The following EXOG variants were observed in gnomAD, a reference collection of about 807,000 sequenced individuals.
The protein encoded by EXOG is exo/endonuclease G.
Under a neutral mutation model 25.8 loss-of-function variants are expected in EXOG, and 27 were observed. The observed-to-expected ratio is 1.05, with a 90% CI of 0.77 to 1.45. The LOEUF is 1.45. EXOG is among the 40% of genes most tolerant of loss of function. The pLI is 0.00. For missense variants in EXOG, 458 were observed against 450.5 expected, an observed-to-expected ratio of 1.02 and a Z score of -0.15; for synonymous variants, 133 against 167.0, an observed-to-expected ratio of 0.80 and a Z score of 1.57.
chr3:38,505,262 AT>A (rs1256249190), intron 4 of EXOG, among the ~76,000 whole-genome samples: 1 of 147,710 alleles, frequency 6.8e-6, no homozygotes, highest in Non-Finnish European at 1.5e-5. Context: ...AAATCTGTAG[AT>A]TTTCCTTTCT....
intron 5 of EXOG, among the ~76,000 whole-genome samples, chr3:38,516,287 T>C (rs958090264): frequency 6.6e-6 from 1 of 152,200 alleles, no homozygotes; most frequent in East Asian, 1.9e-4. Context: ...CTGGAAACCC[T>C]ACTTTAATCT....
chr3:38,506,187 T>A (rs372351484), intron 4 of EXOG, among the ~76,000 whole-genome samples: 14 of 151,750 alleles, frequency 9.2e-5, no homozygotes, highest in African/African-American at 1.9e-4. Flanking sequence ...AAAAAAAAAA[T>A]ACTTGCCATT....
At chr3:38,520,051 TATATC>T (rs2060665831) in intron 5 of EXOG, among the ~76,000 whole-genome samples, 1 of 152,220 alleles carries the variant, frequency 6.6e-6, no homozygotes, top group Non-Finnish European at 1.5e-5. Context: ...TGTAACCAAA[TATATC>T]TATCTAATTC....
chr3:38,497,346 G>A (rs1575602390), intron 1 of EXOG: 1 of 1,145,310 alleles, frequency 8.7e-7, no homozygotes, highest in East Asian at 5.4e-5. Context: ...GAAATTTGAT[G>A]TGAAAGACTA....
Position 38,506,922 on chromosome 3 carries a change from C to T in EXOG, c.599C>T (p.Thr200Ile). ...EDVWVVSGPL[T>I]LPQTRGDGKK... is the part of the protein sequence containing the mutation. ...GTTTGGGTGGTATCTGGGCCTTTGACCTTACCTCAGACTAGAGGCGATGGA... is the reference window on the plus strand; with the variant it reads ...GTTTGGGTGGTATCTGGGCCTTTGATCTTACCTCAGACTAGAGGCGATGGA... The change falls in exon 5 of 6, where the codon ACC becomes ATC. Residue 200 changes from threonine to isoleucine, a missense_variant. Physicochemically the swap from Thr to Ile is moderately conservative, Grantham distance 89 (BLOSUM62 -1). Coordinates refer to ENST00000287675, the MANE Select transcript of EXOG (RefSeq NM_005107.4). The T allele has an allele frequency of 6.2e-7, 1 of 1,602,274 alleles. No homozygotes were observed.
At chr3:38,507,127 A>G (rs942251564) in intron 5 of EXOG, among the ~76,000 whole-genome samples, 159 bp downstream of exon 5, 2 of 152,236 alleles carry the variant, frequency 1.3e-5, no homozygotes, top group Non-Finnish European at 2.9e-5. Context: ...CCTATTAGGA[A>G]TGATAGGCAT....
At chr3:38,507,215 A>T (rs1176567029) in intron 5 of EXOG, among the ~76,000 whole-genome samples, 2 of 152,266 alleles carry the variant, frequency 1.3e-5, no homozygotes. Context: ...GATGTTAACA[A>T]TTAATTACAT....
At chr3:38,498,367 C>T (rs1167906757) in intron 2 of EXOG, among the ~76,000 whole-genome samples, 1 of 151,538 alleles carries the variant, frequency 6.6e-6, no homozygotes, top group Non-Finnish European at 1.5e-5. Flanking sequence ...TGAGCCTGGC[C>T]AACATGGCAA....
intron 5 of EXOG, among the ~76,000 whole-genome samples, chr3:38,510,689 T>A (rs1253822609): frequency 6.7e-6 from 1 of 149,874 alleles, no homozygotes; most frequent in Non-Finnish European, 1.5e-5. Context: ...ATATATTAAA[T>A]ATTATATAGA....
chr3:38,524,146 C>T lies in EXOG; in HGVS notation c.891C>T (p.Asp297=), dbSNP rs1411910421. Residue 297 remains aspartate, a synonymous_variant, in exon 6 of 6, where the codon GAC becomes GAT. Transcript: ENST00000287675. ...TSDIRNICSV[D]TCKLLDFQEF... is the part of the protein sequence containing the mutation. ...ATATCCGGAATATCTGCTCTGTGGA[C>T]ACCTGTAAGCTCCTGGATTTCCAGG... The T allele has an allele frequency of 3.1e-6, 5 of 1,613,994 alleles. No homozygotes were observed. Among genetic ancestry groups the T allele is most frequent in the Non-Finnish European group, 4.2e-6 (5 of 1,179,982 alleles).
intron 5 of EXOG, among the ~76,000 whole-genome samples, chr3:38,512,578 G>A (rs940946701): frequency 1.9e-4 from 29 of 151,944 alleles, no homozygotes; most frequent in African/African-American, 5.8e-4. Context: ...TAGTTCTTCC[G>A]TTGGTAAACT....
intron 5 of EXOG, among the ~76,000 whole-genome samples, chr3:38,516,369 A>G (rs553315547): frequency 2.7e-4 from 41 of 152,110 alleles, no homozygotes; most frequent in Non-Finnish European, 5.0e-4. Context: ...ATATTTCTTA[A>G]TGTTTTATTT....
At chr3:38,499,363 A>G (rs2059980869) in intron 2 of EXOG, among the ~76,000 whole-genome samples, 2 of 152,250 alleles carry the variant, frequency 1.3e-5, no homozygotes, top group African/African-American at 4.8e-5. Context: ...ACTTGGTGTT[A>G]GACAGAAACT....
At chr3:38,507,313 C>T (rs1044208997) in intron 5 of EXOG, among the ~76,000 whole-genome samples, 4 of 152,280 alleles carry the variant, frequency 2.6e-5, no homozygotes, top group Admixed American at 6.5e-5. Context: ...GAGTCAGGAA[C>T]GCTTAAAAGA....
chr3:38,521,497 G>C (rs1414626697), intron 5 of EXOG, among the ~76,000 whole-genome samples: 2 of 152,216 alleles, frequency 1.3e-5, no homozygotes, highest in African/African-American at 4.8e-5. Context: ...GAAAATTGCC[G>C]TTTGTTTGTA....
intron 5 of EXOG, among the ~76,000 whole-genome samples, chr3:38,514,801 T>C (rs1433470021): frequency 7.0e-6 from 1 of 142,188 alleles, no homozygotes; most frequent in Non-Finnish European, 1.5e-5. Context: ...GACGGAGTTT[T>C]ACGGTGTCCC....
intron 2 of EXOG, 22 bp downstream of exon 2, chr3:38,497,800 C>A (rs371988526): frequency 6.3e-7 from 1 of 1,581,446 alleles, no homozygotes; most frequent in South Asian, 1.2e-5. Context: ...GATAAAAAAA[C>A]TGAAGTAACA....
At chr3:38,508,716 C>CT (rs1047405871) in intron 5 of EXOG, among the ~76,000 whole-genome samples, 2 of 149,176 alleles carry the variant, frequency 1.3e-5, no homozygotes, top group Admixed American at 1.3e-4. Flanking sequence ...GAACCACCCC[C>CT]CCCCCAAAAA....
In EXOG at chr3:38,524,421, T is replaced by C; in HGVS notation, c.*59T>C. 6.6e-7 allele frequency: 1 copy of C among 1,512,186 alleles called. No homozygotes were observed. The highest frequency in any genetic ancestry group is 1.4e-5 in the South Asian group (1 of 73,402). The allele number at this position is 1,512,186 out of a possible 1,614,324, so 93.7% of individuals were successfully genotyped here. On this transcript the variant is annotated 3_prime_UTR_variant, in exon 6 of 6. Coordinates refer to ENST00000287675, the MANE Select transcript of EXOG (RefSeq NM_005107.4). ...TGAAGCAGGCATGCCCTCTTTAGGC[T>C]AACATATTTTAGTGGCTTTGCTTTT...
Sources: gnomAD v4.1 joint callset for allele counts (sites outside exome capture counted in the v4.1 genomes callset) on GRCh38, gnomAD v4.1.1 for gene constraint, MANE v1.5 for transcripts, NCBI Gene and HGNC (gene_info 2026-07-23, HGNC 2026-07-21) for gene names.